Variants in DPEP1 observed in about 807,000 individuals in gnomAD.
The protein encoded by DPEP1 is dipeptidase 1, also known as beta-lactamase.
Under a neutral mutation model 42.3 loss-of-function variants are expected in DPEP1, and 50 were observed. That is an observed-to-expected ratio of 1.18 (90% CI 0.94 to 1.50). The LOEUF (loss-of-function observed/expected upper bound fraction) is 1.50. DPEP1 is among the 40% of genes most tolerant of loss of function. The pLI is 0.00. For synonymous variants in DPEP1, 297 were observed against 234.0 expected, an observed-to-expected ratio of 1.27 and a Z score of -2.46; for missense variants, 663 against 553.0, an observed-to-expected ratio of 1.20 and a Z score of -1.99.
downstream of DPEP1, among the ~76,000 whole-genome samples, chr16:89,640,921 G>A (rs1260327767): frequency 6.6e-6 from 1 of 152,204 alleles, no homozygotes; most frequent in African/African-American, 2.4e-5. Context: ...TTGGATACGA[G>A]GCAAAAGGGG....
At chr16:89,623,599 G>A (rs1035336829) in intron 1 of DPEP1, among the ~76,000 whole-genome samples, 1 of 152,084 alleles carries the variant, frequency 6.6e-6, no homozygotes, top group African/African-American at 2.4e-5. Context: ...TGACGGGAGC[G>A]GGGCGGAAAA....
At chr16:89,629,962 G>C (rs969364898) in intron 1 of DPEP1, among the ~76,000 whole-genome samples, 2 of 152,214 alleles carry the variant, frequency 1.3e-5, no homozygotes, top group Non-Finnish European at 2.9e-5. Flanking sequence ...TTGAATGACT[G>C]TTGTCTTGCT....
chr16:89,632,337 G>A (rs2059599197), intron 2 of DPEP1, among the ~76,000 whole-genome samples: 1 of 152,208 alleles, frequency 6.6e-6, no homozygotes, highest in African/African-American at 2.4e-5. Context: ...CCAGGCGTGA[G>A]CCACCGCGCC....
intron 1 of DPEP1, among the ~76,000 whole-genome samples, chr16:89,629,179 A>G (rs1400517982): frequency 1.3e-5 from 2 of 152,006 alleles, no homozygotes; most frequent in African/African-American, 4.8e-5. Context: ...ATGAATTCTG[A>G]TTTTTTTAAA....
At position 89,637,534 on chromosome 16, in the gene DPEP1, A is replaced by G. The variant is rs372554004; in HGVS notation, c.835A>G (p.Asn279Asp). Reference sequence around the variant, plus strand: ...TTACATTTCCTGCACCAACAAGGCCAACCTGTCCCAAGTGGCCGGTAGGTG... The same window carrying G: ...TTACATTTCCTGCACCAACAAGGCCGACCTGTCCCAAGTGGCCGGTAGGTG... The part of the protein sequence containing the change: ...NNYISCTNKA[N>D]LSQVADHLDH... Residue 279 changes from asparagine (N) to aspartate (D), a missense_variant, in exon 8 of 11, where the codon AAC (asparagine) becomes GAC (aspartate). Transcript: ENST00000690203. 5 of 1,612,788 alleles carry G rather than the reference A, an allele frequency of 3.1e-6. No individual in the cohort carries two copies. The highest frequency in any genetic ancestry group is 1.6e-4 in the Middle Eastern group (1 of 6,062).
At chr16:89,620,152 T>C (rs1256105864) in intron 1 of DPEP1, among the ~76,000 whole-genome samples, 1 of 151,962 alleles carries the variant, frequency 6.6e-6, no homozygotes, top group Non-Finnish European at 1.5e-5. Context: ...AATCCTCGAT[T>C]GTGGCTGGGG....
intron 1 of DPEP1, among the ~76,000 whole-genome samples, chr16:89,614,738 T>C (rs1266437143): frequency 2.0e-5 from 3 of 152,146 alleles, no homozygotes; most frequent in East Asian, 1.9e-4. Flanking sequence ...GAGGTTGCGG[T>C]GAGCTGAGAT....
At chr16:89,614,672 G>A (rs951257943) in intron 1 of DPEP1, among the ~76,000 whole-genome samples, 16 of 152,210 alleles carry the variant, frequency 1.1e-4, no homozygotes, top group Non-Finnish European at 1.5e-4. Context: ...GCGGGCGCCT[G>A]TAGTCCCAGC....
chr16:89,638,456 A>G (rs1325703729), downstream of DPEP1: 18 of 1,308,296 alleles, frequency 1.4e-5, no homozygotes, highest in Non-Finnish European at 1.6e-5. Flanking sequence ...TGTCATCGGC[A>G]TCCGGCTCAG....
intron 1 of DPEP1, among the ~76,000 whole-genome samples, chr16:89,623,080 C>G (rs533111068): frequency 2.0e-5 from 3 of 152,174 alleles, no homozygotes; most frequent in African/African-American, 7.2e-5. Flanking sequence ...CACCCTAACC[C>G]CCACACAGCC....
At chr16:89,615,391 G>C (rs2059371512) in intron 1 of DPEP1, among the ~76,000 whole-genome samples, 1 of 152,210 alleles carries the variant, frequency 6.6e-6, no homozygotes, top group Admixed American at 6.5e-5. Flanking sequence ...CGCAGCTCTG[G>C]AGTCTCTGGA....
At chr16:89,641,167 G>A (rs905653759), downstream of DPEP1, among the ~76,000 whole-genome samples, 1 of 152,248 alleles carries the variant, frequency 6.6e-6, no homozygotes, top group Admixed American at 6.5e-5. Flanking sequence ...GACTGGGAGC[G>A]TGACCGCTGA....
chr16:89,617,663 C>CAGTGGCTCACACCT, intron 1 of DPEP1, among the ~76,000 whole-genome samples: 1 of 42,704 alleles, frequency 2.3e-5, no homozygotes. Flanking sequence ...AGGCCGGGCG[C>CAGTGGCTCACACCT]GGCGGCTCAC....
chr16:89,641,387 T>A (rs570155777), downstream of DPEP1, among the ~76,000 whole-genome samples: 2 of 152,344 alleles, frequency 1.3e-5, no homozygotes, highest in South Asian at 4.1e-4. Context: ...CTAGTGGCCC[T>A]GTCCGGGCGT....
intron 1 of DPEP1, among the ~76,000 whole-genome samples, chr16:89,623,317 C>T (rs1036679795): frequency 6.6e-6 from 1 of 152,080 alleles, no homozygotes; most frequent in Non-Finnish European, 1.5e-5. Flanking sequence ...TCATGCCTTC[C>T]GGCTTCAAGG....
chr16:89,628,801 G>T (rs1567986046), intron 1 of DPEP1, among the ~76,000 whole-genome samples: 1 of 151,920 alleles, frequency 6.6e-6, no homozygotes, highest in Non-Finnish European at 1.5e-5. Context: ...TTAAAGGTTT[G>T]TGGGGGAGGG....
chr16:89,631,630 C>A (rs1019888292), intron 2 of DPEP1, among the ~76,000 whole-genome samples: 3 of 152,070 alleles, frequency 2.0e-5, no homozygotes, highest in African/African-American at 7.2e-5. Flanking sequence ...CCGAGGCGGG[C>A]GGATCACCTG....
intron 1 of DPEP1, among the ~76,000 whole-genome samples, chr16:89,625,230 G>C (rs984429063): frequency 6.6e-6 from 1 of 152,072 alleles, no homozygotes; most frequent in South Asian, 2.1e-4. Context: ...CCCAGGCCTC[G>C]CTGTTTTTCC....
chr16:89,625,597 C>T (rs1219793911), intron 1 of DPEP1, among the ~76,000 whole-genome samples: 1 of 152,118 alleles, frequency 6.6e-6, no homozygotes, highest in African/African-American at 2.4e-5. Context: ...CGAGGGGAGG[C>T]TCTGGGGGCA....
Sources: gnomAD v4.1 joint callset for allele counts (sites outside exome capture counted in the v4.1 genomes callset) on GRCh38, gnomAD v4.1.1 for gene constraint, MANE v1.5 for transcripts, NCBI Gene and HGNC (gene_info 2026-07-23, HGNC 2026-07-21) for gene names.